The following BEND6 variants were observed in gnomAD, a reference collection of about 807,000 sequenced individuals.
The protein encoded by BEND6 is BEN domain containing 6, also known as BEN domain-containing protein 6.
In BEND6, 24 loss-of-function variants were observed where a neutral mutation model predicts 31.8. The ratio of observed to expected loss-of-function variants is 0.75; its 90% CI spans 0.55 to 1.06. The LOEUF (loss-of-function observed/expected upper bound fraction) is 1.06. Among genes scored for constraint, BEND6 ranks in the 50% least tolerant of loss-of-function variants. The pLI, the probability that BEND6 is intolerant of heterozygous loss-of-function variation, is 0.00. For synonymous variants in BEND6, 109 were observed against 114.6 expected (o/e 0.95, Z 0.31); for missense variants, 294 against 327.4 (o/e 0.90, Z 0.79).
chr6:56,996,755 A>G (rs1255997660), intron 3 of BEND6, among the ~76,000 whole-genome samples: 1 of 152,156 alleles, frequency 6.6e-6, no homozygotes, highest in Non-Finnish European at 1.5e-5. Flanking sequence ...AGCAAATCCC[A>G]CTAGCTTTGC....
chr6:57,004,516 AGCCACC>A, intron 3 of BEND6: 7 of 718,272 alleles, frequency 9.7e-6, no homozygotes, highest in South Asian at 7.0e-5. Flanking sequence ...AGCTCCGTGT[AGCCACC>A]GCCACCGCCA....
At chr6:57,017,434 T>G (rs1184869487) in intron 5 of BEND6, 35 bp downstream of exon 5, 1 of 1,286,078 alleles carries the variant, frequency 7.8e-7, no homozygotes, top group Non-Finnish European at 1.0e-6. Context: ...GTCGTATGAA[T>G]TTTAAATCAT....
At chr6:56,968,505 G>A (rs1222926575) in intron 1 of BEND6, among the ~76,000 whole-genome samples, 2 of 149,516 alleles carry the variant, frequency 1.3e-5, no homozygotes, top group African/African-American at 4.9e-5. Context: ...TTTATTTTTT[G>A]TAGAAATGGA....
Position 57,015,449 on chromosome 6 carries a change from A to C in BEND6, c.519+96A>C, listed in dbSNP as rs1033417956. ...ATGATCATTGTTTTATCAGATAACT[A>C]TTGGATAAAATAGTTTTATTCAATA... On this transcript the variant is annotated intron_variant, in intron 4 of 6. Coordinates refer to ENST00000370746, the MANE Select transcript of BEND6 (RefSeq NM_152731.3). 4.4e-6 allele frequency: 5 copies of C among 1,134,120 alleles called. No individual in the cohort carries two copies. In the East Asian group the frequency reaches 1.2e-4, roughly 28 times the overall value. The allele number at this position is 1,134,120 out of a possible 1,614,324, so 70.3% of individuals were successfully genotyped here.
At chr6:56,991,358 G>A (rs1012565558) in intron 2 of BEND6, among the ~76,000 whole-genome samples, 6 of 151,686 alleles carry the variant, frequency 4.0e-5, no homozygotes, top group Non-Finnish European at 7.4e-5. Flanking sequence ...TTTACTTTCT[G>A]GAGGTTTTTT....
chr6:57,020,653 T>C (rs1259504058), intron 6 of BEND6, among the ~76,000 whole-genome samples: 6 of 151,958 alleles, frequency 3.9e-5, no homozygotes, highest in African/African-American at 1.4e-4. Flanking sequence ...AACTCCTGAC[T>C]TCAAGTGATC....
intron 2 of BEND6, among the ~76,000 whole-genome samples, chr6:56,988,259 G>A (rs1296100308): frequency 2.6e-5 from 4 of 151,818 alleles, no homozygotes; most frequent in Non-Finnish European, 2.9e-5. Flanking sequence ...CTCGTGATCC[G>A]CCAGCCACGG....
At chr6:57,014,601 C>G in intron 3 of BEND6, 1 of 1,125,266 alleles carries the variant, frequency 8.9e-7, no homozygotes, top group South Asian at 1.8e-5. Context: ...TATATCACAA[C>G]ACAGGTTTGA....
At chr6:56,993,989 C>T (rs1181678135) in intron 3 of BEND6, among the ~76,000 whole-genome samples, 12 of 152,020 alleles carry the variant, frequency 7.9e-5, no homozygotes, top group African/African-American at 2.2e-4. Context: ...TGTGAGCCAC[C>T]GTACCTGGCC....
At chr6:57,001,702 G>A (rs1316930957) in intron 3 of BEND6, among the ~76,000 whole-genome samples, 1 of 152,224 alleles carries the variant, frequency 6.6e-6, no homozygotes, top group Non-Finnish European at 1.5e-5. Flanking sequence ...AAGAGAATGA[G>A]TTAATACTAG....
At chr6:56,960,258 G>A (rs980076987) in intron 1 of BEND6, among the ~76,000 whole-genome samples, 3 of 151,694 alleles carry the variant, frequency 2.0e-5, no homozygotes, top group African/African-American at 4.9e-5. Context: ...AAATCGCTGA[G>A]CAATATCGTT....
chr6:56,972,098 T>C (rs1307410378), intron 1 of BEND6, among the ~76,000 whole-genome samples: 1 of 137,582 alleles, frequency 7.3e-6, no homozygotes, highest in Non-Finnish European at 1.6e-5. Flanking sequence ...TTTTTTTTTT[T>C]TTTTTTTTTT....
chr6:56,955,840 A>G (rs1273650597), intron 1 of BEND6, among the ~76,000 whole-genome samples: 1 of 152,112 alleles, frequency 6.6e-6, no homozygotes, highest in African/African-American at 2.4e-5. Flanking sequence ...GGCAATAGTG[A>G]TCTCTCACAC....
chr6:56,988,019 CT>C (rs34912760), intron 2 of BEND6, among the ~76,000 whole-genome samples: 26,939 of 138,852 alleles, frequency 0.19, 2,491 homozygotes, highest in Middle Eastern at 0.22. Flanking sequence ...TTTTTTCTTT[CT>C]TTTTTTTTTT....
intron 1 of BEND6, among the ~76,000 whole-genome samples, chr6:56,961,206 A>G (rs1172734696): frequency 5.9e-5 from 9 of 152,182 alleles, no homozygotes; most frequent in Admixed American, 1.3e-4. Flanking sequence ...TCCATCAACA[A>G]TGGCAGCACC....
intron 1 of BEND6, among the ~76,000 whole-genome samples, chr6:56,971,927 G>T (rs1337483524): frequency 2.0e-5 from 3 of 151,912 alleles, no homozygotes; most frequent in Non-Finnish European, 4.4e-5. Flanking sequence ...TCTGTTAATA[G>T]TGACTTTTGA....
Position 57,000,591 on chromosome 6 carries a change from A to C in BEND6, c.298+8036A>C, listed in dbSNP as rs914979792. 1.4e-4 allele frequency among the ~76,000 whole-genome samples: 21 copies of C among 148,662 alleles called. No homozygotes were observed. The East Asian group carries it at 3.4e-3, about 24-fold the overall frequency. On this transcript the variant is annotated intron_variant, in intron 3 of 6. Coordinates refer to ENST00000370746, the MANE Select transcript of BEND6 (RefSeq NM_152731.3). ...ATAAATACTAAAAAAACAAACAAAA[A>C]AAAAAAACCATAAATAACAAGAATC... is the stretch of plus-strand genomic sequence containing the variant.
chr6:56,982,741 G>A (rs1489810730), intron 2 of BEND6, among the ~76,000 whole-genome samples: 1 of 152,002 alleles, frequency 6.6e-6, no homozygotes, highest in East Asian at 1.9e-4. Context: ...CACCTACCCT[G>A]TTCCTGCCAC....
At position 57,015,225 on chromosome 6, in the gene BEND6, A is replaced by C; in HGVS notation, c.391A>C (p.Thr131Pro). The change falls in exon 4 of 7, where the codon ACC becomes CCC. Residue 131 changes from threonine (T) to proline (P), a missense_variant. Physicochemically the swap from Thr to Pro is conservative, Grantham distance 38 (BLOSUM62 -1). Coordinates refer to ENST00000370746, the MANE Select transcript of BEND6 (RefSeq NM_152731.3). ...GGGAACCATGTCTACATCTGCATCC[A>C]CCCTCTGGAGAGCAACAAACAACTC... is the stretch of plus-strand genomic sequence containing the variant. ...GGGTMSTSAS[T>P]LWRATNNSSP... The C allele has an allele frequency of 6.2e-7, 1 of 1,614,118 alleles. No homozygotes were observed. Among genetic ancestry groups the C allele is most frequent in the Non-Finnish European group, 8.5e-7 (1 of 1,180,010 alleles).
Sources: gnomAD v4.1 joint callset for allele counts (sites outside exome capture counted in the v4.1 genomes callset) on GRCh38, gnomAD v4.1.1 for gene constraint, MANE v1.5 for transcripts, NCBI Gene and HGNC (gene_info 2026-07-23, HGNC 2026-07-21) for gene names.